The following TRIM24 variants were observed in gnomAD, a reference collection of about 807,000 sequenced individuals.
The protein encoded by TRIM24 is tripartite motif containing 24, also known as transcription intermediary factor 1-alpha.
A neutral mutation model predicts 123.9 loss-of-function variants in TRIM24; 29 were observed. That is an observed-to-expected ratio of 0.23 (90% CI 0.17 to 0.32). The LOEUF (loss-of-function observed/expected upper bound fraction) is 0.32, where lower values mean the gene tolerates loss of function less well. Ranked by LOEUF, TRIM24 falls within the 10% of genes least tolerant of loss-of-function variation. The pLI, the probability that TRIM24 is intolerant of heterozygous loss-of-function variation, is 1.00. For synonymous variants in TRIM24, 456 were observed against 461.1 expected (o/e 0.99, Z 0.14); for missense variants, 932 against 1,295.3 (o/e 0.72, Z 4.31).
At chr7:138,538,006 C>G (rs921296864) in intron 6 of TRIM24, among the ~76,000 whole-genome samples, 1 of 152,200 alleles carries the variant, frequency 6.6e-6, no homozygotes, top group Admixed American at 6.5e-5. Context: ...GATTATCCAT[C>G]TTCTCTAAGG....
chr7:138,486,719 A>G (rs965426305), intron 1 of TRIM24, among the ~76,000 whole-genome samples: 10 of 152,186 alleles, frequency 6.6e-5, no homozygotes, highest in African/African-American at 2.4e-4. Context: ...TCCCAGTACC[A>G]TGCTGTTTTG....
chr7:138,474,003 T>C (rs1398730133), intron 1 of TRIM24, among the ~76,000 whole-genome samples: 1 of 152,290 alleles, frequency 6.6e-6, no homozygotes, highest in East Asian at 1.9e-4. Flanking sequence ...ACTTCTGAGC[T>C]CAAGTGATCC....
intron 14 of TRIM24, among the ~76,000 whole-genome samples, chr7:138,578,938 A>ATATAT (rs1563067853): frequency 2.6e-4 from 40 of 152,134 alleles, no homozygotes; most frequent in African/African-American, 7.5e-4. Flanking sequence ...ATATATATAT[A>ATATAT]GGTCATGTGG....
In TRIM24 at chr7:138,581,757, C is replaced by G; in HGVS notation, c.2779C>G (p.Pro927Ala). 3 of 1,612,520 alleles carry G rather than the reference C, an allele frequency of 1.9e-6. No homozygotes were observed. The highest frequency in any genetic ancestry group is 2.5e-6 in the Non-Finnish European group (3 of 1,179,150). Residue 927 changes from proline to alanine, a missense_variant, in exon 17 of 19, where the codon CCT becomes GCT. Physicochemically the swap from Pro to Ala is conservative, Grantham distance 27. This residue lies in a region of TRIM24 where 16 missense variants were observed against 46.5 expected (regional missense o/e 0.34). Coordinates refer to ENST00000343526, the MANE Select transcript of TRIM24 (RefSeq NM_015905.3). Reference sequence around the variant, plus strand: ...TGAAATGAGCCTGGCTTTTCAAGACCCTGTTCCTCTAACTGTAAGTATTAA... The same window carrying G: ...TGAAATGAGCCTGGCTTTTCAAGACGCTGTTCCTCTAACTGTAAGTATTAA... Reference protein sequence around the residue: ...CHEMSLAFQDPVPLTVPDYYK... With the variant: ...CHEMSLAFQDAVPLTVPDYYK...
chr7:138,577,883 AT>A (rs1323578007), intron 14 of TRIM24, among the ~76,000 whole-genome samples: 1 of 152,164 alleles, frequency 6.6e-6, no homozygotes, highest in East Asian at 1.9e-4. Flanking sequence ...TTAACTAAAC[AT>A]TTTCGTGCAA....
At chr7:138,491,877 G>A (rs1243345737) in intron 1 of TRIM24, among the ~76,000 whole-genome samples, 1 of 151,314 alleles carries the variant, frequency 6.6e-6, no homozygotes, top group African/African-American at 2.4e-5. Flanking sequence ...GGTGTGAAGT[G>A]GTAATCTCAT....
chr7:138,468,215 T>C (rs757232510), intron 1 of TRIM24, among the ~76,000 whole-genome samples: 2 of 152,224 alleles, frequency 1.3e-5, no homozygotes, highest in Non-Finnish European at 2.9e-5. Flanking sequence ...GAATGGGTGA[T>C]GAATTTTGCC....
rs1362141559 is a variant in TRIM24, at chr7:138,538,771, A to C, written c.1111A>C (p.Ser371Arg). The change falls in exon 7 of 19, where the codon AGC becomes CGC. Residue 371 changes from serine (S) to arginine (R), a missense_variant. Around this residue, in one of 7 missense-constraint regions of TRIM24, gnomAD observed 527 missense variants for 691.3 expected, o/e 0.76. Transcript: ENST00000343526. Reference protein sequence around the residue: ...HFSKWAVSSGSSTALLYSKRL... With the variant: ...HFSKWAVSSGRSTALLYSKRL... Reference sequence around the variant, plus strand: ...TTCTAAATGGGCAGTTTCCAGTGGCAGCAGTACAGCATTACTTTATAGCAA... The same window carrying C: ...TTCTAAATGGGCAGTTTCCAGTGGCCGCAGTACAGCATTACTTTATAGCAA... 1.2e-6 allele frequency: 2 copies of C among 1,614,012 alleles called. No homozygotes were observed. The highest frequency in any genetic ancestry group is 1.7e-5 in the Admixed American group (1 of 60,002).
In TRIM24 at chr7:138,587,569, T is replaced by C. The variant is rs1202589753; in HGVS notation, c.*2618T>C. On this transcript the variant is annotated 3_prime_UTR_variant, in exon 19 of 19. Transcript: ENST00000343526. ...GCATTCCCCCAAAAGTTCAGTGCGA[T>C]TCAGGTAACCTTGACCTAAACTTGT... 3 of 152,368 alleles carry C rather than the reference T, an allele frequency of 2.0e-5. No homozygotes were observed. The highest frequency in any genetic ancestry group is 2.1e-4 in the South Asian group (1 of 4,834). The allele number at this position is 152,368 out of a possible 1,614,324, so 9.4% of individuals were successfully genotyped here.
intron 15 of TRIM24, among the ~76,000 whole-genome samples, chr7:138,579,989 A>G (rs1797858540): frequency 6.6e-6 from 1 of 152,180 alleles, no homozygotes; most frequent in African/African-American, 2.4e-5. Flanking sequence ...ATCATAAGGA[A>G]CAATGTCCCT....
chr7:138,533,531 G>A (rs536771979), intron 6 of TRIM24, among the ~76,000 whole-genome samples: 2 of 152,214 alleles, frequency 1.3e-5, no homozygotes, highest in East Asian at 3.9e-4. Flanking sequence ...TGATTTGCAT[G>A]TGTTGAACCA....
At chr7:138,506,671 G>A (rs1408825046) in intron 2 of TRIM24, among the ~76,000 whole-genome samples, 1 of 152,186 alleles carries the variant, frequency 6.6e-6, no homozygotes, top group African/African-American at 2.4e-5. Context: ...GTACGTTTAT[G>A]TTTATTTAGT....
chr7:138,538,908 C>T, intron 7 of TRIM24, 105 bp downstream of exon 7: 5 of 1,032,848 alleles, frequency 4.8e-6, no homozygotes, highest in South Asian at 2.6e-5. Context: ...GTGCTTTTTA[C>T]CTATTTCTAA....
chr7:138,584,660 TTC>T, intron 18 of TRIM24, 80 bp from the exon 19 acceptor site: 1 of 1,170,548 alleles, frequency 8.5e-7, no homozygotes, highest in South Asian at 1.7e-5. Context: ...ATGAACACTT[TTC>T]AAAACAGCTC....
At chr7:138,505,478 T>C (rs964562592) in intron 2 of TRIM24, among the ~76,000 whole-genome samples, 3 of 151,966 alleles carry the variant, frequency 2.0e-5, no homozygotes, top group Non-Finnish European at 4.4e-5. Context: ...TGGTCTTACT[T>C]TGAAAGCTTC....
At position 138,567,775 on chromosome 7, in the gene TRIM24, T is replaced by G; in HGVS notation, c.1704+121T>G. Reference sequence around the variant, plus strand: ...CCAAGAGCAAGCCTTCTTTTTCATTTTTTAAATAAATGTGAATTGCAAAGT... The same window carrying G: ...CCAAGAGCAAGCCTTCTTTTTCATTGTTTAAATAAATGTGAATTGCAAAGT... On this transcript the variant is annotated intron_variant, in intron 10 of 18. Coordinates refer to ENST00000343526, the MANE Select transcript of TRIM24 (RefSeq NM_015905.3). The G allele has an allele frequency of 9.3e-6, 10 of 1,080,918 alleles. No homozygotes were observed. The South Asian group carries it at 2.1e-4, about 22-fold the overall frequency. The allele number at this position is 1,080,918 out of a possible 1,614,324, so 67.0% of individuals were successfully genotyped here.
rs1192343069 is a variant in TRIM24, at chr7:138,580,911, T to G, written c.2718+217T>G. Among the ~76,000 whole-genome samples, 3 of 152,216 alleles carry G rather than the reference T, an allele frequency of 2.0e-5. No individual in the cohort carries two copies. The East Asian group carries it at 5.8e-4, about 29-fold the overall frequency. ...ATGCATGTATTTTATAGAAGCTTAT[T>G]GTACCTGAACAAGATGGAATATGTA... is the stretch of plus-strand genomic sequence containing the variant. On this transcript the variant is annotated intron_variant, in intron 16 of 18. Coordinates refer to ENST00000343526, the MANE Select transcript of TRIM24 (RefSeq NM_015905.3).
chr7:138,484,237 G>A (rs1464674588), intron 1 of TRIM24, among the ~76,000 whole-genome samples: 2 of 151,780 alleles, frequency 1.3e-5, no homozygotes, highest in Admixed American at 1.3e-4. Flanking sequence ...AACCTCCTGA[G>A]TAGCTGGGAT....
chr7:138,570,071 C>T (rs1156561877), intron 10 of TRIM24, among the ~76,000 whole-genome samples: 4 of 151,912 alleles, frequency 2.6e-5, no homozygotes, highest in African/African-American at 9.7e-5. Flanking sequence ...CCACAGCCTC[C>T]CAAGTAGCTG....
Sources: allele counts gnomAD v4.1 joint callset (sites outside exome capture counted in the v4.1 genomes callset), GRCh38; gene constraint gnomAD v4.1.1; regional missense constraint gnomAD v4.1.1; transcripts MANE v1.5; gene names NCBI Gene and HGNC (gene_info 2026-07-23, HGNC 2026-07-21).